The following ZNF385D variants were observed in gnomAD, a reference collection of about 807,000 sequenced individuals.
ZNF385D encodes zinc finger protein 385D, also known as zinc finger protein 659.
ZNF385D carries 15 observed loss-of-function variants against 35.8 expected under a neutral mutation model. The observed-to-expected ratio is 0.42, with a 90% CI of 0.28 to 0.64. ZNF385D has a LOEUF of 0.64. Among genes scored for constraint, ZNF385D ranks in the 30% least tolerant of loss-of-function variants. The pLI is 0.23. For synonymous variants in ZNF385D, 212 were observed against 186.8 expected (o/e 1.13, Z -1.10); for missense variants, 474 against 494.6 (o/e 0.96, Z 0.39).
chr3:21,973,782 C>T (rs1314225447), intron 3 of ZNF385D, among the ~76,000 whole-genome samples: 1 of 151,676 alleles, frequency 6.6e-6, no homozygotes, highest in Non-Finnish European at 1.5e-5. Context: ...TATGACAACA[C>T]CAAACTATCT....
At chr3:22,345,375 G>A (rs1264535168) in intron 2 of ZNF385D, among the ~76,000 whole-genome samples, 1 of 152,130 alleles carries the variant, frequency 6.6e-6, no homozygotes, top group African/African-American at 2.4e-5. Context: ...TGAAAGCTGT[G>A]TAATTACTCA....
chr3:21,936,750 T>A (rs1701279166), intron 3 of ZNF385D, among the ~76,000 whole-genome samples: 1 of 152,114 alleles, frequency 6.6e-6, no homozygotes, highest in African/African-American at 2.4e-5. Flanking sequence ...AAGCTAAAAT[T>A]TTAAAAAATC....
intron 4 of ZNF385D, among the ~76,000 whole-genome samples, chr3:21,483,433 T>C (rs76099632): frequency 0.064 from 9,714 of 152,212 alleles, 369 homozygotes; most frequent in Non-Finnish European, 0.083. Context: ...AACAGAACTG[T>C]TATAAATGTC....
chr3:21,705,273 G>A (rs1248195125), intron 1 of ZNF385D, among the ~76,000 whole-genome samples: 1 of 152,100 alleles, frequency 6.6e-6, no homozygotes, highest in Non-Finnish European at 1.5e-5. Context: ...ACCCATAAAA[G>A]AAGGCACACT....
chr3:21,702,724 C>G lies in ZNF385D; in HGVS notation c.23-37696G>C, dbSNP rs536836841. Among the ~76,000 whole-genome samples, 4 of 152,260 alleles carry G rather than the reference C, an allele frequency of 2.6e-5. No homozygotes were observed. In the South Asian group the frequency reaches 8.3e-4, roughly 32 times the overall value. On this transcript the variant is annotated intron_variant, in intron 1 of 7. Transcript: ENST00000281523. The stretch of plus-strand genomic sequence containing the variant: ...TTCGCTGCTTAGAAATTTCTTCCAC[C>G]AGATACCCTAAATCATCTCTCTCAC...
chr3:21,493,793 A>G (rs116194020), intron 4 of ZNF385D, among the ~76,000 whole-genome samples: 1,879 of 152,216 alleles, frequency 0.012, 52 homozygotes, highest in African/African-American at 0.042. Context: ...TTACTGTACT[A>G]AAGATCACCT....
intron 2 of ZNF385D, among the ~76,000 whole-genome samples, chr3:22,290,429 T>C (rs1702242075): frequency 6.6e-6 from 1 of 152,140 alleles, no homozygotes; most frequent in Non-Finnish European, 1.5e-5. Flanking sequence ...TTGAGAAATG[T>C]AGCCACACCA....
At chr3:21,504,061 T>C (rs1349368931) in intron 4 of ZNF385D, among the ~76,000 whole-genome samples, 1 of 152,136 alleles carries the variant, frequency 6.6e-6, no homozygotes, top group East Asian at 1.9e-4. Flanking sequence ...ATCTGATGAA[T>C]ACATTTGCAA....
intron 3 of ZNF385D, among the ~76,000 whole-genome samples, chr3:21,805,817 G>T (rs189285266): frequency 6.6e-6 from 1 of 152,176 alleles, no homozygotes; most frequent in South Asian, 2.1e-4. Context: ...AGAATGGGAA[G>T]CTGCTTGGAG....
chr3:22,263,583 G>A (rs1334176636), intron 2 of ZNF385D, among the ~76,000 whole-genome samples: 1 of 151,948 alleles, frequency 6.6e-6, no homozygotes, highest in Non-Finnish European at 1.5e-5. Context: ...AAGGGCAAAA[G>A]TTTTGTCCGT....
chr3:22,188,844 C>T (rs1210280306), intron 2 of ZNF385D, among the ~76,000 whole-genome samples: 1 of 152,114 alleles, frequency 6.6e-6, no homozygotes, highest in African/African-American at 2.4e-5. Context: ...TATTTCATTT[C>T]TTTTTTTCTT....
chr3:22,229,715 A>G (rs1471146467), intron 2 of ZNF385D, among the ~76,000 whole-genome samples: 2 of 152,118 alleles, frequency 1.3e-5, no homozygotes, highest in Admixed American at 6.5e-5. Flanking sequence ...ACGACCACCT[A>G]CAGCAATAGA....
chr3:21,753,405 G>A (rs536259001), upstream of ZNF385D, among the ~76,000 whole-genome samples: 2 of 152,114 alleles, frequency 1.3e-5, no homozygotes, highest in African/African-American at 4.8e-5. Flanking sequence ...TATCTATATG[G>A]TCACAAATAC....
intron 3 of ZNF385D, among the ~76,000 whole-genome samples, chr3:21,994,266 T>C (rs1378089096): frequency 2.6e-5 from 4 of 152,178 alleles, no homozygotes; most frequent in African/African-American, 9.6e-5. Flanking sequence ...ATCAGCAAAT[T>C]GGAGATATGA....
At chr3:22,009,376 C>T (rs1696423027) in intron 3 of ZNF385D, among the ~76,000 whole-genome samples, 1 of 152,044 alleles carries the variant, frequency 6.6e-6, no homozygotes, top group Admixed American at 6.5e-5. Flanking sequence ...GCAATCCCAG[C>T]ATTTTGGGAG....
chr3:22,092,941 TATA>T (rs1185017962), intron 3 of ZNF385D, among the ~76,000 whole-genome samples: 5 of 152,166 alleles, frequency 3.3e-5, no homozygotes, highest in Non-Finnish European at 4.4e-5. Flanking sequence ...GCAAATTAGA[TATA>T]ATATTTTGAA....
At chr3:22,075,888 C>A (rs930647507) in intron 3 of ZNF385D, among the ~76,000 whole-genome samples, 1 of 152,012 alleles carries the variant, frequency 6.6e-6, no homozygotes, top group East Asian at 1.9e-4. Flanking sequence ...TTCGTAAATA[C>A]CATCATAATC....
intron 3 of ZNF385D, among the ~76,000 whole-genome samples, chr3:21,841,908 ACATAT>A (rs1484752897): frequency 2.0e-5 from 3 of 151,740 alleles, no homozygotes; most frequent in African/African-American, 7.3e-5. Context: ...AGAAATACAT[ACATAT>A]ATGTATATAT....
chr3:22,293,934 A>T (rs1702435496), intron 2 of ZNF385D, among the ~76,000 whole-genome samples: 1 of 151,954 alleles, frequency 6.6e-6, no homozygotes, highest in Non-Finnish European at 1.5e-5. Flanking sequence ...TACTTCCTAC[A>T]TACTTGTTCA....
Sources: gnomAD v4.1 joint callset for allele counts (sites outside exome capture counted in the v4.1 genomes callset) on GRCh38, gnomAD v4.1.1 for gene constraint, MANE v1.5 for transcripts, NCBI Gene and HGNC (gene_info 2026-07-23, HGNC 2026-07-21) for gene names.